The following CDH8 variants were observed in gnomAD, a reference collection of about 807,000 sequenced individuals.
CDH8 encodes cadherin-8.
Under a neutral mutation model 68.1 loss-of-function variants are expected in CDH8, and 17 were observed. That is an observed-to-expected ratio of 0.25 (90% CI 0.17 to 0.37). The LOEUF (loss-of-function observed/expected upper bound fraction) is 0.37, where lower values mean the gene tolerates loss of function less well. Ranked by LOEUF, CDH8 falls within the 10% of genes least tolerant of loss-of-function variation. The pLI is 1.00. For synonymous variants in CDH8, 372 were observed against 365.1 expected (o/e 1.02, Z -0.21); for missense variants, 763 against 999.3 (o/e 0.76, Z 3.19).
chr16:61,736,116 G>GAAAGAAAGA (rs1567446500), intron 8 of CDH8, among the ~76,000 whole-genome samples: 73 of 74,792 alleles, frequency 9.8e-4, no homozygotes, highest in African/African-American at 3.8e-3. Flanking sequence ...AGAAAGAAAG[G>GAAAGAAAGA]AAGGAAGGAA....
chr16:61,784,590 A>G (rs1186590885), intron 8 of CDH8, among the ~76,000 whole-genome samples: 1 of 139,260 alleles, frequency 7.2e-6, no homozygotes, highest in Non-Finnish European at 1.5e-5. Flanking sequence ...AGCAGACCTA[A>G]TAGACATCTA....
chr16:61,870,641 T>C (rs1218926992), intron 3 of CDH8, among the ~76,000 whole-genome samples: 1 of 152,156 alleles, frequency 6.6e-6, no homozygotes, highest in African/African-American at 2.4e-5. Context: ...ACCAAAAATA[T>C]CTGAAACAGA....
intron 9 of CDH8, among the ~76,000 whole-genome samples, chr16:61,721,172 T>C (rs74023232): frequency 0.011 from 1,619 of 151,028 alleles, 32 homozygotes; most frequent in African/African-American, 0.036. Flanking sequence ...GTCATACTTT[T>C]GTTAATGACT....
At chr16:61,693,499 T>A (rs1964272225) in intron 10 of CDH8, 1 of 152,152 alleles carries the variant, frequency 6.6e-6, no homozygotes, top group Non-Finnish European at 1.5e-5. Context: ...ATCAAAGGTG[T>A]AGGTGCCCTT....
intron 8 of CDH8, among the ~76,000 whole-genome samples, chr16:61,761,109 A>G (rs1234565004): frequency 1.3e-5 from 2 of 152,184 alleles, no homozygotes; most frequent in Admixed American, 1.3e-4. Flanking sequence ...ATGTGTGTAT[A>G]ATTTAAAATT....
chr16:62,021,600 T>G lies in CDH8; in HGVS notation c.-197A>C. On this transcript the variant is annotated splice_region_variant and 5_prime_UTR_variant, in exon 2 of 12. Coordinates refer to ENST00000577390, the MANE Select transcript of CDH8 (RefSeq NM_001796.5). ...CATTGGCTTTTCTTTTCATTGAAAT[T>G]TCCTGCAAAAACAAGGAGGAAGAAA... 7.5e-7 allele frequency: 1 copy of G among 1,337,440 alleles called. No homozygotes were observed. The highest frequency in any genetic ancestry group is 9.5e-7 in the Non-Finnish European group (1 of 1,048,398). The allele number at this position is 1,337,440 out of a possible 1,614,324, so 82.8% of individuals were successfully genotyped here.
chr16:61,982,626 G>T (rs1000323010), intron 2 of CDH8, among the ~76,000 whole-genome samples: 1 of 152,130 alleles, frequency 6.6e-6, no homozygotes, highest in Non-Finnish European at 1.5e-5. Context: ...GTGTTAACTC[G>T]ATAAGTTAAT....
At chr16:61,709,036 A>C (rs1318159102) in intron 10 of CDH8, among the ~76,000 whole-genome samples, 4 of 152,070 alleles carry the variant, frequency 2.6e-5, no homozygotes. Flanking sequence ...ATGCAAGTAC[A>C]CAGTTTCTGC....
chr16:61,727,508 G>A (rs1959410387), intron 8 of CDH8, among the ~76,000 whole-genome samples: 1 of 150,976 alleles, frequency 6.6e-6, no homozygotes, highest in South Asian at 2.1e-4. Context: ...TTATAGATAA[G>A]GGATCAATTC....
At chr16:61,894,374 C>A (rs1322452212) in intron 3 of CDH8, among the ~76,000 whole-genome samples, 2 of 152,126 alleles carry the variant, frequency 1.3e-5, no homozygotes, top group African/African-American at 4.8e-5. Flanking sequence ...AGATATGATA[C>A]TTTTACTAAA....
chr16:61,839,828 G>T (rs183996189), intron 4 of CDH8, among the ~76,000 whole-genome samples: 214 of 152,236 alleles, frequency 1.4e-3, no homozygotes, highest in African/African-American at 4.9e-3. Context: ...TTCAAATGAT[G>T]AGGCAAGTGT....
chr16:61,898,299 CA>C (rs538928242), intron 3 of CDH8, among the ~76,000 whole-genome samples: 18 of 136,966 alleles, frequency 1.3e-4, no homozygotes, highest in East Asian at 4.1e-4. Context: ...GACTCTGTCT[CA>C]AAAAAAAAAG....
rs938342389 is a variant in CDH8 at position 61,964,325 on chromosome 16, A to G, written c.252+56827T>C. ...GGATTCTAACCTGGCAGTTCAGGGC[A>G]CCAGGTGGGAACCGCCCAGGACAGG... On this transcript the variant is annotated intron_variant, in intron 2 of 11. Coordinates refer to ENST00000577390, the MANE Select transcript of CDH8 (RefSeq NM_001796.5). Among the ~76,000 whole-genome samples, 14 of 152,308 alleles carry G rather than the reference A, an allele frequency of 9.2e-5. No individual in the cohort carries two copies. In the East Asian group the frequency reaches 2.7e-3, roughly 29 times the overall value.
intron 7 of CDH8, among the ~76,000 whole-genome samples, chr16:61,807,524 T>C (rs1052464250): frequency 4.6e-5 from 7 of 151,698 alleles, no homozygotes; most frequent in Non-Finnish European, 8.8e-5. Context: ...AAACAAAAAA[T>C]TCAGTAAAAT....
At chr16:61,929,287 A>G (rs1342035082) in intron 2 of CDH8, among the ~76,000 whole-genome samples, 1 of 152,060 alleles carries the variant, frequency 6.6e-6, no homozygotes, top group East Asian at 1.9e-4. Context: ...TTGGTTTCCT[A>G]TTCTGTACGG....
At chr16:61,768,314 T>C (rs201277182) in intron 8 of CDH8, among the ~76,000 whole-genome samples, 1,803 of 16,852 alleles carry the variant, frequency 0.11, 58 homozygotes, top group Middle Eastern at 0.21. Flanking sequence ...GTCTCTCCCT[T>C]TCTCTCTCTC....
At chr16:61,967,558 G>A (rs1965273042) in intron 2 of CDH8, among the ~76,000 whole-genome samples, 1 of 152,124 alleles carries the variant, frequency 6.6e-6, no homozygotes, top group Non-Finnish European at 1.5e-5. Context: ...GTCTAAACAG[G>A]AAATTCATTT....
chr16:61,742,023 T>G (rs1334127437), intron 8 of CDH8, among the ~76,000 whole-genome samples: 3 of 152,158 alleles, frequency 2.0e-5, no homozygotes, highest in Non-Finnish European at 4.4e-5. Context: ...TTATCTTTTG[T>G]GTGTTTAATC....
Position 61,953,894 on chromosome 16 carries a change from T to TA in CDH8, c.253-52422_253-52421insT, listed in dbSNP as rs2143599910. ...TCTGTCTCAAAAAGAAAAAAAAAAC[T>TA]TTATATATATATATATATATATATA... On this transcript the variant is annotated intron_variant, in intron 2 of 11. Transcript: ENST00000577390. Among the ~76,000 whole-genome samples the TA allele has an allele frequency of 7.2e-5, 3 of 41,434 alleles. No homozygotes were observed. In the East Asian group the frequency reaches 1.5e-3, roughly 21 times the overall value. The allele number at this position is 41,434 out of a possible 152,430, so 27.2% of individuals were successfully genotyped here.
Sources: allele counts gnomAD v4.1 joint callset (sites outside exome capture counted in the v4.1 genomes callset), GRCh38; gene constraint gnomAD v4.1.1; transcripts MANE v1.5; gene names NCBI Gene and HGNC (gene_info 2026-07-23, HGNC 2026-07-21).